PTH2R: variants seen among roughly 807,000 people sequenced by gnomAD.
PTH2R encodes the protein PTH2 receptor.
A neutral mutation model predicts 60.3 loss-of-function variants in PTH2R; 59 were observed. The observed-to-expected ratio is 0.98, with a 90% confidence interval of 0.79 to 1.22. The LOEUF is 1.22. Among genes scored for constraint, PTH2R ranks in the 50% most tolerant of loss-of-function variants. The pLI is 0.00. For missense variants in PTH2R, 749 were observed against 682.6 expected (o/e 1.10, Z -1.08); for synonymous variants, 256 against 243.8 (o/e 1.05, Z -0.47).
intron 10 of PTH2R, among the ~76,000 whole-genome samples, chr2:208,488,083 T>C (rs1008086547): frequency 6.6e-6 from 1 of 152,122 alleles, no homozygotes; most frequent in Non-Finnish European, 1.5e-5. Flanking sequence ...AACCATCATA[T>C]TGGAAAGCCT....
chr2:208,368,778 T>C (rs1263671067), intron 1 of PTH2R, among the ~76,000 whole-genome samples: 1 of 152,208 alleles, frequency 6.6e-6, no homozygotes, highest in Non-Finnish European at 1.5e-5. Context: ...GTAGATTAAT[T>C]TGGCACTGGG....
chr2:208,395,177 A>C (rs929151811), intron 1 of PTH2R, among the ~76,000 whole-genome samples: 5 of 151,900 alleles, frequency 3.3e-5, no homozygotes, highest in African/African-American at 9.7e-5. Context: ...CCTCCGCAGT[A>C]GCTGGGACTA....
intron 7 of PTH2R, among the ~76,000 whole-genome samples, chr2:208,450,274 C>T (rs1003977655): frequency 3.9e-5 from 6 of 152,188 alleles, no homozygotes; most frequent in African/African-American, 1.4e-4. Context: ...GTTAAAACTT[C>T]CTGATTTTTA....
chr2:208,438,239 C>T (rs1175346393), intron 4 of PTH2R, among the ~76,000 whole-genome samples: 1 of 152,172 alleles, frequency 6.6e-6, no homozygotes, highest in Non-Finnish European at 1.5e-5. Flanking sequence ...CTATGAATGG[C>T]TACATCTCAT....
chr2:208,380,494 A>G (rs1419620756), intron 1 of PTH2R, among the ~76,000 whole-genome samples: 4 of 152,130 alleles, frequency 2.6e-5, no homozygotes, highest in Admixed American at 2.0e-4. Flanking sequence ...TTCTCTGTAT[A>G]TCATACAATG....
At position 208,406,808 on chromosome 2, in the gene PTH2R, T is replaced by C. The variant is rs1443257815; in HGVS notation, c.-236T>C. ...GTCAAGTCCAGGACTCGGGCCAGTCTCTCCGGAAGACAAGACCAACCTCGC... is the reference window on the plus strand; with the variant it reads ...GTCAAGTCCAGGACTCGGGCCAGTCCCTCCGGAAGACAAGACCAACCTCGC... On this transcript the variant is annotated 5_prime_UTR_variant, in exon 1 of 13. Coordinates refer to ENST00000272847, the MANE Select transcript of PTH2R (RefSeq NM_005048.4). 1 of 372,754 alleles carries C rather than the reference T, an allele frequency of 2.7e-6. No homozygotes were observed. The highest frequency in any genetic ancestry group is 2.1e-5 in the African/African-American group (1 of 47,854). 23.1% of individuals were successfully genotyped at this position (372,754 alleles called of 1,614,324 possible).
At chr2:208,385,348 A>G (rs1574826926) in intron 1 of PTH2R, among the ~76,000 whole-genome samples, 1 of 152,190 alleles carries the variant, frequency 6.6e-6, no homozygotes, top group South Asian at 2.1e-4. Context: ...AAGAAATGCA[A>G]ATTAGAATAA....
chr2:208,493,677 A>G lies in PTH2R; in HGVS notation c.*18A>G. The stretch of plus-strand genomic sequence containing the variant: ...TTCTCTGAATGGACATTTGTGGCTG[A>G]CTTTCATGGGCTGGTCCAATGGCTG... On this transcript the variant is annotated 3_prime_UTR_variant, in exon 13 of 13. Coordinates refer to ENST00000272847, the MANE Select transcript of PTH2R (RefSeq NM_005048.4). The G allele has an allele frequency of 6.5e-7, 1 of 1,531,470 alleles. No individual in the cohort carries two copies. The highest frequency in any genetic ancestry group is 1.3e-5 in the South Asian group (1 of 77,636). The allele number at this position is 1,531,470 out of a possible 1,614,324, so 94.9% of individuals were successfully genotyped here.
intron 8 of PTH2R, among the ~76,000 whole-genome samples, chr2:208,459,220 A>G (rs1574892727): frequency 6.6e-6 from 1 of 152,082 alleles, no homozygotes; most frequent in East Asian, 1.9e-4. Context: ...TCATTAGTTA[A>G]TGAGGGAACT....
rs537569604 is a variant in PTH2R, at chr2:208,367,009, G to A, written c.-259+6772G>A. ...TTCTGTCCATAAATCATCTTCCATG[G>A]CGTAGGTGTGCTGGAGTCTCAGAGT... On this transcript the variant is annotated intron_variant, in intron 1 of 12. Transcript: ENST00000617735. Among the ~76,000 whole-genome samples, 14 of 152,224 alleles carry A rather than the reference G, an allele frequency of 9.2e-5. 1 individual carries two copies. In the South Asian group the frequency reaches 2.7e-3, roughly 29 times the overall value.
At chr2:208,428,057 G>T in intron 1 of PTH2R, 144 bp from the exon 2 acceptor site, 1 of 574,052 alleles carries the variant, frequency 1.7e-6, no homozygotes, top group Non-Finnish European at 2.9e-6. Context: ...GATGGATTTT[G>T]AATTTTGATT....
At chr2:208,367,056 C>T (rs1220679957) in intron 1 of PTH2R, among the ~76,000 whole-genome samples, 2 of 151,982 alleles carry the variant, frequency 1.3e-5, no homozygotes, top group African/African-American at 4.8e-5. Context: ...CAGGAGGCTG[C>T]CTGATTTTGA....
intron 1 of PTH2R, among the ~76,000 whole-genome samples, chr2:208,366,503 A>G (rs1700596360): frequency 6.6e-6 from 1 of 152,178 alleles, no homozygotes; most frequent in South Asian, 2.1e-4. Flanking sequence ...AAGAAGGGAA[A>G]TTTGATTCAG....
intron 7 of PTH2R, among the ~76,000 whole-genome samples, chr2:208,447,313 G>A (rs1171198742): frequency 1.3e-5 from 2 of 152,016 alleles, no homozygotes; most frequent in East Asian, 3.9e-4. Context: ...AGGAGGCTGG[G>A]CGCAGTGGCT....
At chr2:208,427,111 A>G (rs1701871523) in intron 1 of PTH2R, among the ~76,000 whole-genome samples, 1 of 152,236 alleles carries the variant, frequency 6.6e-6, no homozygotes, top group Non-Finnish European at 1.5e-5. Flanking sequence ...TTGATAATTG[A>G]AGTCAAATTT....
intron 1 of PTH2R, among the ~76,000 whole-genome samples, chr2:208,397,269 T>G (rs1484715206): frequency 6.6e-6 from 1 of 151,660 alleles, no homozygotes; most frequent in Non-Finnish European, 1.5e-5. Flanking sequence ...CAAACCTGCA[T>G]GTTGTGCACA....
intron 1 of PTH2R, among the ~76,000 whole-genome samples, chr2:208,371,398 C>T (rs1403885298): frequency 6.6e-6 from 1 of 152,072 alleles, no homozygotes; most frequent in African/African-American, 2.4e-5. Context: ...GTAAATGAGT[C>T]TTATCAGAAC....
chr2:208,407,850 C>A (rs1043971045), intron 1 of PTH2R, among the ~76,000 whole-genome samples: 19 of 152,082 alleles, frequency 1.2e-4, no homozygotes, highest in Non-Finnish European at 2.2e-4. Context: ...TTCAAGAGCC[C>A]TGTGAATTTA....
At chr2:208,492,444 T>C (rs1191021613) in intron 12 of PTH2R, among the ~76,000 whole-genome samples, 3 of 151,352 alleles carry the variant, frequency 2.0e-5, no homozygotes, top group Non-Finnish European at 2.9e-5. Context: ...GGAGGTGGAG[T>C]GTAAGGGCTC....
Sources: gnomAD v4.1 joint callset for allele counts (sites outside exome capture counted in the v4.1 genomes callset) on GRCh38, gnomAD v4.1.1 for gene constraint, MANE v1.5 for transcripts, NCBI Gene and HGNC (gene_info 2026-07-23, HGNC 2026-07-21) for gene names.